CSNK1G1: variants seen among roughly 807,000 people sequenced by gnomAD.
CSNK1G1 encodes casein kinase 1 gamma 1.
A neutral mutation model predicts 59.6 loss-of-function variants in CSNK1G1; 22 were observed. The observed-to-expected ratio is 0.37, with a 90% confidence interval of 0.26 to 0.53. The LOEUF (loss-of-function observed/expected upper bound fraction) is 0.53, where lower values mean the gene tolerates loss of function less well. Among genes scored for constraint, CSNK1G1 ranks in the 20% least tolerant of loss-of-function variants. The pLI, the probability that CSNK1G1 is intolerant of heterozygous loss-of-function variation, is 0.89. For missense variants in CSNK1G1, 384 were observed against 519.5 expected (o/e 0.74, Z 2.54); for synonymous variants, 179 against 177.1 (o/e 1.01, Z -0.08).
intron 10 of CSNK1G1, among the ~76,000 whole-genome samples, chr15:64,190,658 C>T (rs1162618863): frequency 6.6e-6 from 1 of 152,190 alleles, no homozygotes; most frequent in Admixed American, 6.5e-5. Flanking sequence ...AGGTGATCCA[C>T]CCGCCTCGGC....
intron 4 of CSNK1G1, among the ~76,000 whole-genome samples, chr15:64,229,203 G>A (rs1383353360): frequency 6.6e-6 from 1 of 152,008 alleles, no homozygotes; most frequent in Non-Finnish European, 1.5e-5. Flanking sequence ...GTTTCCATGT[G>A]TTAATTAGAA....
chr15:64,275,790 T>C (rs931004034), intron 2 of CSNK1G1, among the ~76,000 whole-genome samples: 2 of 152,208 alleles, frequency 1.3e-5, no homozygotes, highest in African/African-American at 4.8e-5. Flanking sequence ...GAGTACATTA[T>C]ACTCAGTAAG....
At position 64,210,824 on chromosome 15, in the gene CSNK1G1, G is replaced by A. The variant is rs1003708349; in HGVS notation, c.679+3066C>T. On this transcript the variant is annotated intron_variant, in intron 6 of 11. Coordinates refer to ENST00000303052, the MANE Select transcript of CSNK1G1 (RefSeq NM_022048.5). The surrounding 1 kb of genome is among the most constrained non-coding windows in gnomAD (Gnocchi z 4.2). The stretch of plus-strand genomic sequence containing the variant: ...ATTTGATCCCAATGTTCGAAGCTGG[G>A]CCAAATGGAAGGTGTTTGGGTCATG... 3.3e-5 allele frequency among the ~76,000 whole-genome samples: 5 copies of A among 152,156 alleles called. No homozygotes were observed. Among genetic ancestry groups the A allele is most frequent in the Admixed American group, 6.5e-5 (1 of 15,276 alleles).
At chr15:64,282,206 G>A (rs777124203) in intron 2 of CSNK1G1, among the ~76,000 whole-genome samples, 4 of 151,944 alleles carry the variant, frequency 2.6e-5, no homozygotes, top group East Asian at 1.9e-4. Context: ...TGGGATTACC[G>A]GCATGAACCA....
At chr15:64,338,147 T>A (rs116691882) in intron 1 of CSNK1G1, among the ~76,000 whole-genome samples, 1 of 152,276 alleles carries the variant, frequency 6.6e-6, no homozygotes, top group Non-Finnish European at 1.5e-5. Context: ...TATATGGTAG[T>A]CCTATGTGTA....
chr15:64,321,263 T>TC (rs1335408282), intron 1 of CSNK1G1, among the ~76,000 whole-genome samples: 1 of 151,344 alleles, frequency 6.6e-6, no homozygotes, highest in Non-Finnish European at 1.5e-5. Flanking sequence ...TTTTCCTTTT[T>TC]TTTTTTTTTG....
chr15:64,331,143 C>T (rs1481652003), intron 1 of CSNK1G1, among the ~76,000 whole-genome samples: 2 of 148,780 alleles, frequency 1.3e-5, no homozygotes, highest in Non-Finnish European at 3.0e-5. Context: ...ATCAAACTAC[C>T]AATGACTTTC....
intron 2 of CSNK1G1, 139 bp downstream of exon 2, chr15:64,300,180 T>C: frequency 1.3e-6 from 1 of 767,686 alleles, no homozygotes; most frequent in Non-Finnish European, 2.2e-6. Flanking sequence ...ATAGTGCCCC[T>C]TCACAAATTA....
At chr15:64,289,692 ATATCCAAT>A (rs1566935223) in intron 2 of CSNK1G1, among the ~76,000 whole-genome samples, 1 of 152,216 alleles carries the variant, frequency 6.6e-6, no homozygotes, top group African/African-American at 2.4e-5. Context: ...CAGGAAACTA[ATATCCAAT>A]TACAAGGATA....
At chr15:64,301,691 C>G (rs893322372) in intron 1 of CSNK1G1, among the ~76,000 whole-genome samples, 1 of 152,122 alleles carries the variant, frequency 6.6e-6, no homozygotes. Context: ...AGTTTGAGAC[C>G]ACCTGGCCAA....
intron 1 of CSNK1G1, among the ~76,000 whole-genome samples, chr15:64,323,147 G>C (rs747777781): frequency 1.3e-5 from 2 of 151,856 alleles, no homozygotes. Flanking sequence ...GGCTGGTCTT[G>C]AACTCCTGGC....
At chr15:64,354,589 T>C (rs1248135565) in intron 1 of CSNK1G1, among the ~76,000 whole-genome samples, 1 of 152,190 alleles carries the variant, frequency 6.6e-6, no homozygotes, top group African/African-American at 2.4e-5. Context: ...GAGAAGACAC[T>C]GAAAGTCCTA....
In CSNK1G1 at chr15:64,178,788, TTG is replaced by T. The variant is rs142872852; in HGVS notation, c.1214+1558_1214+1559del. On this transcript the variant is annotated intron_variant, in intron 11 of 11. Transcript: ENST00000303052. The stretch of plus-strand genomic sequence containing the variant: ...AGCCACTGCACCTGGCCAAAAACTT[TTG>T]TGTGTGTGTGTGTGACAGGGTCGCA... 3.8e-3 allele frequency among the ~76,000 whole-genome samples: 568 copies of T among 149,996 alleles called. 5 individuals carry two copies. Among genetic ancestry groups the T allele is most frequent in the African/African-American group, 0.013 (545 of 40,728 alleles).
rs992556544 is a variant in CSNK1G1, at chr15:64,171,149, TTTTG to T, written c.*778_*781del. ...CAGACACAATATGCATCTGCCATGTTTTTGTTTTTGTTTTTTTTAAAAAAACTAA... is the reference window on the plus strand; with the variant it reads ...CAGACACAATATGCATCTGCCATGTTTTTTTGTTTTTTTTAAAAAAACTAA... On this transcript the variant is annotated 3_prime_UTR_variant, in exon 12 of 12. Coordinates refer to ENST00000303052, the MANE Select transcript of CSNK1G1 (RefSeq NM_022048.5). The surrounding 1 kb of genome is among the most constrained non-coding windows in gnomAD (Gnocchi z 4.8). 7 of 152,138 alleles carry T rather than the reference TTTTG, an allele frequency of 4.6e-5. No individual in the cohort carries two copies. Among genetic ancestry groups the T allele is most frequent in the African/African-American group, 1.5e-4 (6 of 41,218 alleles). 9.4% of individuals were successfully genotyped at this position (152,138 alleles called of 1,614,324 possible). A position where few individuals can be genotyped will look rare whatever the true frequency, so the allele number is the denominator to read the frequency against.
At chr15:64,173,135 T>C (rs1358313168) in intron 11 of CSNK1G1, among the ~76,000 whole-genome samples, 7 of 152,214 alleles carry the variant, frequency 4.6e-5, no homozygotes, top group Admixed American at 2.0e-4. Flanking sequence ...TGCCTAATTA[T>C]TGCAGGTGTA....
At chr15:64,225,006 C>CTTT (rs750533422) in intron 4 of CSNK1G1, among the ~76,000 whole-genome samples, 1,788 of 121,842 alleles carry the variant, frequency 0.015, 55 homozygotes, top group African/African-American at 0.045. Flanking sequence ...ATACACTTTT[C>CTTT]TTTTTTTTTT....
chr15:64,300,403 A>T lies in CSNK1G1; in HGVS notation c.97T>A (p.Ser33Thr), dbSNP rs746870418. The change falls in exon 2 of 12, where the codon TCG becomes ACG. Residue 33 changes from serine to threonine, a missense_variant. Coordinates refer to ENST00000303052, the MANE Select transcript of CSNK1G1 (RefSeq NM_022048.5). Reference protein sequence around the residue: ...AHCSRPSGSSSSSGVLMVGPN... With the variant: ...AHCSRPSGSSTSSGVLMVGPN... ...CCCACCATAAGAACCCCAGAGGACG[A>T]TGAGGAGCCAGATGGTCGAGAGCAG... 1.2e-6 allele frequency: 2 copies of T among 1,614,060 alleles called. No individual in the cohort carries two copies. Among genetic ancestry groups the T allele is most frequent in the African/African-American group, 2.7e-5 (2 of 74,926 alleles).
chr15:64,333,446 A>AAAAG (rs1897224501), intron 1 of CSNK1G1, among the ~76,000 whole-genome samples: 1 of 146,180 alleles, frequency 6.8e-6, no homozygotes, highest in Non-Finnish European at 1.5e-5. Context: ...AAAAAAAAAA[A>AAAAG]AAAAAAAAAA....
rs2081626104 is a variant in CSNK1G1, at chr15:64,168,327, C to T, written c.*3604G>A. ...ACACTGGCTGTCAGGATACTCTATC[C>T]ACCCTTGGGGGCAGTCTGGAGTGAG... is the stretch of plus-strand genomic sequence containing the variant. On this transcript the variant is annotated 3_prime_UTR_variant, in exon 12 of 12. Coordinates refer to ENST00000303052, the MANE Select transcript of CSNK1G1 (RefSeq NM_022048.5). 6.6e-6 allele frequency: 1 copy of T among 152,582 alleles called. No homozygotes were observed. The highest frequency in any genetic ancestry group is 2.4e-5 in the African/African-American group (1 of 41,414). 9.5% of individuals were successfully genotyped at this position (152,582 alleles called of 1,614,324 possible).
Sources: allele counts gnomAD v4.1 joint callset (sites outside exome capture counted in the v4.1 genomes callset), GRCh38; gene constraint gnomAD v4.1.1; non-coding constraint Gnocchi (gnomAD v3.1); transcripts MANE v1.5; gene names NCBI Gene and HGNC (gene_info 2026-07-23, HGNC 2026-07-21).